ZNF76: variants seen among roughly 807,000 people sequenced by gnomAD.
The protein encoded by ZNF76 is zinc finger protein 76, also known as zinc finger protein 523.
Under a neutral mutation model 66.9 loss-of-function variants are expected in ZNF76, and 66 were observed. That is an observed-to-expected ratio of 0.99 (90% CI 0.81 to 1.21). The LOEUF is 1.21. Among genes scored for constraint, ZNF76 ranks in the 50% most tolerant of loss-of-function variants. ZNF76 has a pLI of 0.00. For synonymous variants in ZNF76, 275 were observed against 296.1 expected (o/e 0.93, Z 0.73); for missense variants, 729 against 760.3 (o/e 0.96, Z 0.48).
chr6:35,270,013 C>T (rs994296051), intron 1 of ZNF76, among the ~76,000 whole-genome samples: 2 of 152,190 alleles, frequency 1.3e-5, no homozygotes, highest in African/African-American at 2.4e-5. Context: ...CTCTCCATTC[C>T]TCATGTATGG....
At chr6:35,289,802 C>G (rs1368441690) in intron 5 of ZNF76, among the ~76,000 whole-genome samples, 1 of 152,144 alleles carries the variant, frequency 6.6e-6, no homozygotes, top group Non-Finnish European at 1.5e-5. Context: ...CAGCAAGCCC[C>G]CTTGTTTATG....
Position 35,280,366 on chromosome 6 carries a change from AG to A in ZNF76, c.-96-688del, listed in dbSNP as rs1788579082. ...CAGAGTGATACTTTGTCTCTAAAAA[AG>A]GAAAGAAAAGAAAATGAATTGGAAA... is the stretch of plus-strand genomic sequence containing the variant. On this transcript the variant is annotated intron_variant, in intron 1 of 13. Coordinates refer to ENST00000373953, the MANE Select transcript of ZNF76 (RefSeq NM_003427.5). Among the ~76,000 whole-genome samples the A allele has an allele frequency of 2.6e-5, 4 of 152,200 alleles. No individual in the cohort carries two copies. The South Asian group carries it at 8.3e-4, about 32-fold the overall frequency.
chr6:35,280,250 T>A (rs1029080357), intron 1 of ZNF76, among the ~76,000 whole-genome samples: 2 of 151,878 alleles, frequency 1.3e-5, no homozygotes, highest in Admixed American at 1.3e-4. Context: ...AGAACATGAG[T>A]TGGAAGAGGC....
rs941116387 is a variant in ZNF76 at position 35,277,050 on chromosome 6, C to T, written c.-96-4006C>T. ...CTGATCTCAAGTGATCCGCCCACTTCGGCCTCCCAAAGTGCTGGGATTACA... is the reference window on the plus strand; with the variant it reads ...CTGATCTCAAGTGATCCGCCCACTTTGGCCTCCCAAAGTGCTGGGATTACA... On this transcript the variant is annotated intron_variant, in intron 1 of 13. Coordinates refer to ENST00000373953, the MANE Select transcript of ZNF76 (RefSeq NM_003427.5). Among the ~76,000 whole-genome samples the T allele has an allele frequency of 7.9e-5, 12 of 151,624 alleles. No homozygotes were observed. In the South Asian group the frequency reaches 1.0e-3, roughly 13 times the overall value.
intron 2 of ZNF76, among the ~76,000 whole-genome samples, chr6:35,285,703 G>A (rs1789462015): frequency 1.3e-5 from 2 of 152,164 alleles, no homozygotes; most frequent in Non-Finnish European, 2.9e-5. Context: ...TTAGCACACT[G>A]TCATAGTGAG....
At chr6:35,293,126 G>A in intron 11 of ZNF76, 82 bp downstream of exon 11, 4 of 1,512,096 alleles carry the variant, frequency 2.6e-6, no homozygotes, top group Non-Finnish European at 3.6e-6. Context: ...CTGAAGTTCT[G>A]ACAGCCCCAC....
At chr6:35,290,146 C>T (rs1790150508) in intron 5 of ZNF76, 120 bp from the exon 6 acceptor site, 3 of 1,318,726 alleles carry the variant, frequency 2.3e-6, no homozygotes, top group East Asian at 2.3e-5. Context: ...GTTCTTCTGC[C>T]CCAGAGGCCC....
chr6:35,274,259 G>T (rs2150350905), intron 1 of ZNF76, among the ~76,000 whole-genome samples: 1 of 152,324 alleles, frequency 6.6e-6, no homozygotes, highest in Non-Finnish European at 1.5e-5. Flanking sequence ...AAATGTTTTT[G>T]TTGTTGTTTT....
chr6:35,289,854 C>G (rs759670098), intron 5 of ZNF76, among the ~76,000 whole-genome samples: 1 of 152,160 alleles, frequency 6.6e-6, no homozygotes, highest in Non-Finnish European at 1.5e-5. Flanking sequence ...AAGGGGACCC[C>G]TCCCATCAGA....
chr6:35,267,800 G>A (rs984635987), intron 1 of ZNF76, among the ~76,000 whole-genome samples: 2 of 152,216 alleles, frequency 1.3e-5, no homozygotes, highest in African/African-American at 4.8e-5. Flanking sequence ...GCATGTCAAA[G>A]ATGAGGCAAG....
chr6:35,274,877 G>A (rs576507399), intron 1 of ZNF76, among the ~76,000 whole-genome samples: 51 of 152,322 alleles, frequency 3.3e-4, no homozygotes, highest in African/African-American at 8.7e-4. Flanking sequence ...GCAGCAGGCC[G>A]GGTGCAGTGG....
chr6:35,295,117 C>T, intron 13 of ZNF76, 27 bp from the exon 14 acceptor site: 1 of 1,585,704 alleles, frequency 6.3e-7, no homozygotes, highest in Non-Finnish European at 8.6e-7. Context: ...TCACTGTCTC[C>T]TTCCTTCTGC....
chr6:35,285,579 A>G (rs112648549), intron 2 of ZNF76, among the ~76,000 whole-genome samples: 127 of 152,332 alleles, frequency 8.3e-4, no homozygotes, highest in Non-Finnish European at 1.4e-3. Context: ...CCAAGGTCAC[A>G]CAGCTGTTAA....
chr6:35,265,247 C>G (rs1201781487), intron 1 of ZNF76, among the ~76,000 whole-genome samples: 2 of 152,094 alleles, frequency 1.3e-5, no homozygotes, highest in African/African-American at 4.8e-5. Flanking sequence ...TGGCACACAC[C>G]TGTAATCCCA....
intron 5 of ZNF76, among the ~76,000 whole-genome samples, chr6:35,288,748 G>A (rs1362795718): frequency 6.6e-6 from 1 of 152,138 alleles, no homozygotes; most frequent in Non-Finnish European, 1.5e-5. Flanking sequence ...CTTGAGTCCA[G>A]GAGTTTGAGA....
chr6:35,262,695 A>T (rs1048009993), intron 1 of ZNF76, among the ~76,000 whole-genome samples: 4 of 152,276 alleles, frequency 2.6e-5, no homozygotes, highest in South Asian at 4.1e-4. Flanking sequence ...ACATTCTGTG[A>T]CCTGAAACCT....
rs1334685814 is a variant in ZNF76 at position 35,286,864 on chromosome 6, C to G, written c.232+465C>G. On this transcript the variant is annotated intron_variant, in intron 4 of 13. Coordinates refer to ENST00000373953, the MANE Select transcript of ZNF76 (RefSeq NM_003427.5). ...AAGACAGAACAAAGTCAGACACAGT[C>G]CCCGCTCTCCTAGAGTCTAGAGGGG... 1.5e-5 allele frequency: 3 copies of G among 201,054 alleles called. No homozygotes were observed. The South Asian group carries it at 2.7e-4, about 18-fold the overall frequency. 12.5% of individuals were successfully genotyped at this position (201,054 alleles called of 1,614,324 possible).
intron 12 of ZNF76, chr6:35,294,127 T>C (rs1189077536): frequency 3.2e-6 from 2 of 624,206 alleles, no homozygotes; most frequent in Non-Finnish European, 5.5e-6. Flanking sequence ...TAAATCTCAA[T>C]TCAACCCTGA....
rs1236266270 is a variant in ZNF76 at position 35,260,109 on chromosome 6, A to T, written c.-97+268A>T. On this transcript the variant is annotated intron_variant, in intron 1 of 13. Coordinates refer to ENST00000373953, the MANE Select transcript of ZNF76 (RefSeq NM_003427.5). ...TTGTGACCCCACACCCCACCCACTG[A>T]CCCCAAGACCTCACCAGGTAACCGT... Among the ~76,000 whole-genome samples, 6 of 149,060 alleles carry T rather than the reference A, an allele frequency of 4.0e-5. No homozygotes were observed. The South Asian group carries it at 1.1e-3, about 26-fold the overall frequency.
Sources: gnomAD v4.1 joint callset for allele counts (sites outside exome capture counted in the v4.1 genomes callset) on GRCh38, gnomAD v4.1.1 for gene constraint, MANE v1.5 for transcripts, NCBI Gene and HGNC (gene_info 2026-07-23, HGNC 2026-07-21) for gene names.